ZNF92: variants seen among roughly 807,000 people sequenced by gnomAD.
ZNF92 encodes epididymis luminal protein 203.
ZNF92 carries 11 observed loss-of-function variants against 12.4 expected under a neutral mutation model. The ratio of observed to expected loss-of-function variants is 0.89; its 90% CI spans 0.56 to 1.47. The LOEUF is 1.47. Ranked by LOEUF, ZNF92 falls within the 40% of genes most tolerant of loss-of-function variation. The pLI, the probability that ZNF92 is intolerant of heterozygous loss-of-function variation, is 0.00. For synonymous variants in ZNF92, 206 were observed against 228.6 expected (o/e 0.90, Z 0.89); for missense variants, 622 against 681.0 (o/e 0.91, Z 0.96).
chr7:65,400,579 CTAA>C lies in ZNF92; in HGVS notation c.*705_*707del, dbSNP rs1793988005. 1 of 151,832 alleles carries C rather than the reference CTAA, an allele frequency of 6.6e-6. No individual in the cohort carries two copies. Among genetic ancestry groups the C allele is most frequent in the Admixed American group, 6.6e-5 (1 of 15,260 alleles). 9.4% of individuals were successfully genotyped at this position (151,832 alleles called of 1,614,324 possible). On this transcript the variant is annotated 3_prime_UTR_variant, in exon 4 of 4. Coordinates refer to ENST00000328747, the MANE Select transcript of ZNF92 (RefSeq NM_152626.4). ...AGGCACTGATACTTCAGACATTACA[CTAA>C]ATTAGAGTGTTGAGTATAGGAGATC... is the stretch of plus-strand genomic sequence containing the variant.
chr7:65,399,401 A>T lies in ZNF92; in HGVS notation c.1287A>T (p.Lys429Asn). 2 of 1,613,660 alleles carry T rather than the reference A, an allele frequency of 1.2e-6. No individual in the cohort carries two copies. The highest frequency in any genetic ancestry group is 1.7e-6 in the Non-Finnish European group (2 of 1,179,774). The change falls in exon 4 of 4, where the codon AAA becomes AAT. Residue 429 changes from lysine to asparagine, a missense_variant. Transcript: ENST00000328747. The part of the protein sequence containing the change: ...HTGEKPYKCE[K>N]CGKAFSWSSA... ...GAGAGAAACCCTACAAATGTGAAAA[A>T]TGTGGCAAGGCCTTTAGCTGGTCCT...
rs781442558 is a variant in ZNF92 at position 65,399,537 on chromosome 7, C to T, written c.1423C>T (p.His475Tyr). The T allele has an allele frequency of 1.2e-6, 2 of 1,613,396 alleles. No individual in the cohort carries two copies. Among genetic ancestry groups the T allele is most frequent in the Non-Finnish European group, 1.7e-6 (2 of 1,179,684 alleles). The change falls in exon 4 of 4, where the codon CAT (histidine) becomes TAT (tyrosine). Residue 475 changes from histidine to tyrosine, a missense_variant. Physicochemically the swap from His to Tyr is moderately conservative, Grantham distance 83. Transcript: ENST00000328747. ...AACCCTTACTAAACATAAAATAATT[C>T]ATACTAGAGAAAAACCCTACAAATG... ...FSTLTKHKII[H>Y]TREKPYKCEE...
Position 65,398,811 on chromosome 7 carries a change from G to C in ZNF92, c.697G>C (p.Glu233Gln). The change falls in exon 4 of 4, where the codon GAA becomes CAA. Residue 233 changes from glutamate (E) to glutamine (Q), a missense_variant. Physicochemically the swap from Glu to Gln is conservative, Grantham distance 29 (BLOSUM62 2). Transcript: ENST00000328747. Reference sequence around the variant, plus strand: ...TGGAGAAAAACCCTACAAATGTGAAGAATGTGGCAAAGCTTTTAACCGGTC... The same window carrying C: ...TGGAGAAAAACCCTACAAATGTGAACAATGTGGCAAAGCTTTTAACCGGTC... ...HTGEKPYKCEECGKAFNRSSN... is the reference protein window; with the variant it reads ...HTGEKPYKCEQCGKAFNRSSN... The C allele has an allele frequency of 6.2e-7, 1 of 1,612,804 alleles. No individual in the cohort carries two copies. Among genetic ancestry groups the C allele is most frequent in the Non-Finnish European group, 8.5e-7 (1 of 1,179,760 alleles).
intron 3 of ZNF92, among the ~76,000 whole-genome samples, chr7:65,394,255 T>A (rs992573012): frequency 6.6e-6 from 1 of 152,126 alleles, no homozygotes; most frequent in African/African-American, 2.4e-5. Context: ...AAGGAAAGGA[T>A]CAAACTTTAT....
chr7:65,393,091 C>A (rs896706242), intron 3 of ZNF92, among the ~76,000 whole-genome samples: 8 of 152,126 alleles, frequency 5.3e-5, no homozygotes, highest in Admixed American at 3.9e-4. Context: ...ACTATATTCA[C>A]ATCATTATGC....
At chr7:65,382,910 C>G (rs753836429) in intron 1 of ZNF92, among the ~76,000 whole-genome samples, 1 of 152,088 alleles carries the variant, frequency 6.6e-6, no homozygotes, top group Non-Finnish European at 1.5e-5. Context: ...TTGTGTCTTT[C>G]TCTCTCCTTT....
At chr7:65,383,174 C>T (rs1793470195) in intron 1 of ZNF92, among the ~76,000 whole-genome samples, 1 of 152,226 alleles carries the variant, frequency 6.6e-6, no homozygotes, top group Middle Eastern at 3.4e-3. Context: ...TGAATCTTTG[C>T]TCCCAGTTTA....
intron 2 of ZNF92, 125 bp downstream of exon 2, chr7:65,388,153 A>T (rs1391807941): frequency 9.1e-7 from 1 of 1,102,662 alleles, no homozygotes; most frequent in African/African-American, 1.6e-5. Flanking sequence ...TCAAGAAAAC[A>T]GAGATTTGTC....
In ZNF92 at chr7:65,399,963, G is replaced by C. The variant is rs1049528579; in HGVS notation, c.*88G>C. ...CTAGAAATGTGAGGAATATGACAAGGACTTTAAATGGTTGTCACGCTTGAT... is the reference window on the plus strand; with the variant it reads ...CTAGAAATGTGAGGAATATGACAAGCACTTTAAATGGTTGTCACGCTTGAT... On this transcript the variant is annotated 3_prime_UTR_variant, in exon 4 of 4. Coordinates refer to ENST00000328747, the MANE Select transcript of ZNF92 (RefSeq NM_152626.4). 1.7e-6 allele frequency: 2 copies of C among 1,161,964 alleles called. No individual in the cohort carries two copies. Among genetic ancestry groups the C allele is most frequent in the African/African-American group, 3.1e-5 (2 of 65,264 alleles). The allele number at this position is 1,161,964 out of a possible 1,614,324, so 72.0% of individuals were successfully genotyped here.
intron 1 of ZNF92, among the ~76,000 whole-genome samples, chr7:65,379,572 T>C (rs1189450578): frequency 2.0e-5 from 3 of 152,040 alleles, no homozygotes; most frequent in Admixed American, 1.3e-4. Context: ...TCACTAGACA[T>C]TGATGTGCAC....
rs1484382147 is a variant in ZNF92, at chr7:65,399,791, T to C, written c.1677T>C (p.Tyr559=). ...CCCTTATTACACATCAGATAATTTA[T>C]ACTGGAGAGAAACCCTGCAAACATG... The part of the protein sequence containing the change: ...FSTLITHQII[Y]TGEKPCKHEC... The change falls in exon 4 of 4, where the codon TAT becomes TAC. Residue 559 remains tyrosine, a synonymous_variant. Transcript: ENST00000328747. 1.2e-6 allele frequency: 2 copies of C among 1,613,152 alleles called. No homozygotes were observed. The highest frequency in any genetic ancestry group is 2.7e-5 in the African/African-American group (2 of 74,876).
chr7:65,392,175 A>G (rs1793734652), intron 3 of ZNF92, among the ~76,000 whole-genome samples: 1 of 151,948 alleles, frequency 6.6e-6, no homozygotes, highest in Admixed American at 6.6e-5. Flanking sequence ...TATGACTTTA[A>G]TTTTGGTTAT....
intron 2 of ZNF92, 126 bp from the exon 3 acceptor site, chr7:65,388,680 C>T (rs1487617978): frequency 2.9e-6 from 2 of 700,776 alleles, no homozygotes; most frequent in Non-Finnish European, 4.2e-6. Flanking sequence ...AGATATTTGT[C>T]ATAAATTAGT....
In ZNF92 at chr7:65,391,758, GCTTA is replaced by G. The variant is rs570070437; in HGVS notation, c.226+2862_226+2865del. On this transcript the variant is annotated intron_variant, in intron 3 of 3. Coordinates refer to ENST00000328747, the MANE Select transcript of ZNF92 (RefSeq NM_152626.4). ...AAAAATTATCTCAATTTTTAAAAAT[GCTTA>G]CTTATTAAGTTTTTTATTAGAATCT... Among the ~76,000 whole-genome samples the G allele has an allele frequency of 8.7e-4, 132 of 152,044 alleles. 2 individuals are homozygous for G. The South Asian group carries it at 0.025, about 29-fold the overall frequency.
At chr7:65,376,725 G>A (rs1381830236) in intron 1 of ZNF92, among the ~76,000 whole-genome samples, 2 of 152,168 alleles carry the variant, frequency 1.3e-5, no homozygotes, top group Non-Finnish European at 2.9e-5. Context: ...GATTACAGGC[G>A]TGAGCCACCG....
At chr7:65,390,302 A>G (rs1793679196) in intron 3 of ZNF92, among the ~76,000 whole-genome samples, 2 of 152,150 alleles carry the variant, frequency 1.3e-5, no homozygotes, top group African/African-American at 4.8e-5. Context: ...CTTTTGCCAC[A>G]TAATTCCAGT....
At chr7:65,397,290 C>T (rs1030285266) in intron 3 of ZNF92, among the ~76,000 whole-genome samples, 2 of 151,120 alleles carry the variant, frequency 1.3e-5, no homozygotes, top group Non-Finnish European at 2.9e-5. Context: ...TTATAAGTAT[C>T]TTTTTGTGTA....
In ZNF92 at chr7:65,399,320, T is replaced by C. The variant is rs1793944397; in HGVS notation, c.1206T>C (p.Cys402=). The stretch of plus-strand genomic sequence containing the variant: ...AAAAACCCTACAAATGTGAAGAATG[T>C]GGCAAAGCTTTTAAACAGTCCTCAA... The part of the protein sequence containing the change: ...TGEKPYKCEE[C]GKAFKQSSTL... The change falls in exon 4 of 4, where the codon TGT becomes TGC. Residue 402 remains cysteine (C), a synonymous_variant. Transcript: ENST00000328747. The C allele has an allele frequency of 6.2e-7, 1 of 1,613,012 alleles. No homozygotes were observed. Among genetic ancestry groups the C allele is most frequent in the South Asian group, 1.1e-5 (1 of 90,978 alleles).
In ZNF92 at chr7:65,381,167, T is replaced by G. The variant is rs1385603504; in HGVS notation, c.4-6735T>G. Among the ~76,000 whole-genome samples the G allele has an allele frequency of 2.0e-5, 3 of 152,004 alleles. No individual in the cohort carries two copies. In the East Asian group the frequency reaches 5.8e-4, roughly 30 times the overall value. On this transcript the variant is annotated intron_variant, in intron 1 of 3. Coordinates refer to ENST00000328747, the MANE Select transcript of ZNF92 (RefSeq NM_152626.4). ...CTGGGATTACAGGCACGCCCCACCATGCCTGACTAATTTTTGTATTTTTTT... is the reference window on the plus strand; with the variant it reads ...CTGGGATTACAGGCACGCCCCACCAGGCCTGACTAATTTTTGTATTTTTTT...
Sources: gnomAD v4.1 joint callset for allele counts (sites outside exome capture counted in the v4.1 genomes callset) on GRCh38, gnomAD v4.1.1 for gene constraint, MANE v1.5 for transcripts, NCBI Gene and HGNC (gene_info 2026-07-23, HGNC 2026-07-21) for gene names.